FRMD4A: variants seen among roughly 807,000 people sequenced by gnomAD.
FRMD4A encodes FERM domain-containing protein 4A.
A neutral mutation model predicts 129.1 loss-of-function variants in FRMD4A; 29 were observed. That is an observed-to-expected ratio of 0.22 (90% CI 0.17 to 0.31). The LOEUF (loss-of-function observed/expected upper bound fraction) is 0.31, where lower values mean the gene tolerates loss of function less well. Ranked by LOEUF, FRMD4A falls within the 10% of genes least tolerant of loss-of-function variation. The probability of loss-of-function intolerance (pLI) is 1.00; values close to 1 mark genes in which losing one functional copy is unlikely to be tolerated. For missense variants in FRMD4A, 1,272 were observed against 1,375.8 expected, an observed-to-expected ratio of 0.92 and a Z score of 1.19; for synonymous variants, 634 against 571.6, an observed-to-expected ratio of 1.11 and a Z score of -1.56.
At chr10:14,101,168 A>G (rs1837280624) in intron 2 of FRMD4A, among the ~76,000 whole-genome samples, 1 of 152,214 alleles carries the variant, frequency 6.6e-6, no homozygotes, top group Non-Finnish European at 1.5e-5. Context: ...TTATAACAAA[A>G]AAGTTTGAAA....
intron 16 of FRMD4A, among the ~76,000 whole-genome samples, 156 bp from the exon 17 acceptor site, chr10:13,670,684 C>T (rs1056886591): frequency 6.6e-6 from 1 of 152,204 alleles, no homozygotes; most frequent in Non-Finnish European, 1.5e-5. Flanking sequence ...ACATTAAGCA[C>T]TATGCCTAAG....
At chr10:13,999,723 C>A (rs1369715395) in intron 2 of FRMD4A, among the ~76,000 whole-genome samples, 1 of 152,234 alleles carries the variant, frequency 6.6e-6, no homozygotes, top group Non-Finnish European at 1.5e-5. Context: ...AGAAAAGGGA[C>A]TGCCCATGCA....
At chr10:14,253,641 C>T (rs542226766) in intron 2 of FRMD4A, among the ~76,000 whole-genome samples, 1 of 152,366 alleles carries the variant, frequency 6.6e-6, no homozygotes, top group African/African-American at 2.4e-5. Flanking sequence ...TTAAAACTCT[C>T]CCCTTACCCA....
At chr10:14,066,220 G>C (rs1289491826) in intron 2 of FRMD4A, among the ~76,000 whole-genome samples, 1 of 151,888 alleles carries the variant, frequency 6.6e-6, no homozygotes, top group Non-Finnish European at 1.5e-5. Flanking sequence ...TTAGTATGTA[G>C]AGCTGCACCA....
chr10:13,965,719 T>C (rs2095481396), intron 2 of FRMD4A, among the ~76,000 whole-genome samples: 1 of 152,228 alleles, frequency 6.6e-6, no homozygotes, highest in Non-Finnish European at 1.5e-5. Context: ...GAATTGGAAA[T>C]AAACCTTTCT....
At chr10:14,005,502 G>A (rs2095659097) in intron 2 of FRMD4A, among the ~76,000 whole-genome samples, 1 of 152,192 alleles carries the variant, frequency 6.6e-6, no homozygotes, top group African/African-American at 2.4e-5. Flanking sequence ...GGATACAGAA[G>A]CAATTGTCGA....
chr10:13,941,592 A>C (rs1023014519), intron 2 of FRMD4A, among the ~76,000 whole-genome samples: 2 of 152,218 alleles, frequency 1.3e-5, no homozygotes, highest in African/African-American at 4.8e-5. Flanking sequence ...CAGGTTAACT[A>C]GAGGAGCTTT....
chr10:13,721,827 A>G (rs74680124), intron 12 of FRMD4A, among the ~76,000 whole-genome samples: 1,764 of 152,326 alleles, frequency 0.012, 70 homozygotes, highest in South Asian at 0.12. Flanking sequence ...TTAAACATAA[A>G]CTCAATTATG....
intron 2 of FRMD4A, among the ~76,000 whole-genome samples, chr10:14,316,644 T>C (rs1287820343): frequency 6.6e-6 from 1 of 152,166 alleles, no homozygotes; most frequent in Non-Finnish European, 1.5e-5. Flanking sequence ...ATCATTCCCA[T>C]TTTGAGGAGA....
rs146246330 is a variant in FRMD4A, at chr10:13,820,675, T to C, written c.112-9767A>G. On this transcript the variant is annotated intron_variant, in intron 3 of 24. Coordinates refer to ENST00000357447, the MANE Select transcript of FRMD4A (RefSeq NM_018027.5). ...CTCCTGCTCTTCGCCAAGGGTGTTT[T>C]TTGACAATCCCTTTGTCACTGCAGA... 1.3e-3 allele frequency among the ~76,000 whole-genome samples: 192 copies of C among 152,338 alleles called. 8 individuals carry two copies. The East Asian group carries it at 0.035, about 28-fold the overall frequency.
intron 2 of FRMD4A, among the ~76,000 whole-genome samples, chr10:14,236,666 T>C (rs559262900): frequency 6.6e-6 from 1 of 152,270 alleles, no homozygotes; most frequent in South Asian, 2.1e-4. Context: ...GAGGGAACAT[T>C]TGGCCCTGCT....
At chr10:14,318,325 C>A (rs564746560) in intron 2 of FRMD4A, among the ~76,000 whole-genome samples, 2 of 143,912 alleles carry the variant, frequency 1.4e-5, no homozygotes, top group Admixed American at 1.4e-4. Context: ...ATATCCCCCC[C>A]CACCTTTTTT....
chr10:14,222,248 G>C (rs1843285716), intron 2 of FRMD4A, among the ~76,000 whole-genome samples: 1 of 152,198 alleles, frequency 6.6e-6, no homozygotes, highest in African/African-American at 2.4e-5. Flanking sequence ...TGGGTTCTTT[G>C]TCGACAGGGC....
At chr10:14,317,443 G>T (rs901504133) in intron 2 of FRMD4A, among the ~76,000 whole-genome samples, 1 of 152,274 alleles carries the variant, frequency 6.6e-6, no homozygotes, top group East Asian at 1.9e-4. Flanking sequence ...TCTCTGCACG[G>T]TGTTCCTGTG....
rs566988693 is a variant in FRMD4A, at chr10:14,131,288, G to A, written c.45+198770C>T. ...CAGCAAGAAGAGAGGCTCAGGCGAT[G>A]CAGAAGCTTCATTTGTTGAGGGAGG... On this transcript the variant is annotated intron_variant, in intron 2 of 24. Transcript: ENST00000357447. Among the ~76,000 whole-genome samples the A allele has an allele frequency of 2.0e-5, 3 of 152,316 alleles. No individual in the cohort carries two copies. The East Asian group carries it at 5.8e-4, about 29-fold the overall frequency.
At chr10:14,124,321 GC>G (rs1181185777) in intron 2 of FRMD4A, among the ~76,000 whole-genome samples, 1 of 152,302 alleles carries the variant, frequency 6.6e-6, no homozygotes, top group Admixed American at 6.5e-5. Context: ...AATTCTCGCA[GC>G]AGCCCTGCAG....
At chr10:13,674,674 C>T (rs1353578379) in intron 16 of FRMD4A, among the ~76,000 whole-genome samples, 3 of 152,176 alleles carry the variant, frequency 2.0e-5, no homozygotes, top group East Asian at 1.9e-4. Flanking sequence ...TGCACTAATG[C>T]GGTTCTGCTC....
chr10:14,273,067 C>CACAA (rs1247862959), intron 2 of FRMD4A, among the ~76,000 whole-genome samples: 4 of 151,080 alleles, frequency 2.6e-5, no homozygotes, highest in Non-Finnish European at 4.4e-5. Context: ...AATACACACA[C>CACAA]ACACACACAC....
chr10:13,983,846 A>T (rs2131409457), intron 2 of FRMD4A, among the ~76,000 whole-genome samples: 1 of 151,984 alleles, frequency 6.6e-6, no homozygotes, highest in Non-Finnish European at 1.5e-5. Context: ...CTAAAAAAAA[A>T]AACAAAAATA....
Sources: allele counts gnomAD v4.1 joint callset (sites outside exome capture counted in the v4.1 genomes callset), GRCh38; gene constraint gnomAD v4.1.1; transcripts MANE v1.5; gene names NCBI Gene and HGNC (gene_info 2026-07-23, HGNC 2026-07-21).